Variants in TTC28 observed in about 807,000 individuals in gnomAD.
TTC28 encodes tetratricopeptide repeat protein 28.
In TTC28, 61 loss-of-function variants were observed where a neutral mutation model predicts 198.0. That is an observed-to-expected ratio of 0.31 (90% CI 0.25 to 0.38). The LOEUF (loss-of-function observed/expected upper bound fraction) is 0.38. Among genes scored for constraint, TTC28 ranks in the 10% least tolerant of loss-of-function variants. TTC28 has a pLI of 1.00. For synonymous variants in TTC28, 1,171 were observed against 1,297.8 expected (o/e 0.90, Z 2.10); for missense variants, 2,678 against 3,164.0 (o/e 0.85, Z 3.69).
intron 1 of TTC28, among the ~76,000 whole-genome samples, chr22:28,652,106 C>G (rs1177432360): frequency 6.6e-6 from 1 of 152,200 alleles, no homozygotes; most frequent in East Asian, 1.9e-4. Flanking sequence ...TCCCAAAGTG[C>G]TGGGATTACA....
At position 28,096,312 on chromosome 22, in the gene TTC28, T is replaced by C. The variant is rs1195699850; in HGVS notation, c.3644A>G (p.Asp1215Gly). The C allele has an allele frequency of 1.9e-6, 3 of 1,551,280 alleles. No homozygotes were observed. Among genetic ancestry groups the C allele is most frequent in the Non-Finnish European group, 2.6e-6 (3 of 1,146,966 alleles). ...VERQTGQQDS[D>G]PYSPVTIDQI... is the part of the protein sequence containing the mutation. Reference sequence around the variant, plus strand: ...ATCAATAGTGACTGGGGAGTAGGGGTCGGAGTCTTGTTGTCCTGTTTGTCG... The same window carrying C: ...ATCAATAGTGACTGGGGAGTAGGGGCCGGAGTCTTGTTGTCCTGTTTGTCG... Residue 1215 changes from aspartate (D) to glycine (G), a missense_variant, in exon 11 of 23, where the codon GAC becomes GGC. By Grantham distance (94) the Asp-to-Gly change is moderately conservative. Around this residue, in one of 8 missense-constraint regions of TTC28, gnomAD observed 727 missense variants for 861.9 expected, o/e 0.84. Transcript: ENST00000397906.
At position 27,981,768 on chromosome 22, in the gene TTC28, A is replaced by C. The variant is rs1937030168; in HGVS notation, c.*453T>G. On this transcript the variant is annotated 3_prime_UTR_variant, in exon 23 of 23. Coordinates refer to ENST00000397906, the MANE Select transcript of TTC28 (RefSeq NM_001145418.2). The stretch of plus-strand genomic sequence containing the variant: ...ATTCAACTGAAATTTCATATATCCC[A>C]CCCCCAACCAGCAACCGAAAGCCTT... The C allele has an allele frequency of 1.3e-5, 2 of 155,072 alleles. No homozygotes were observed. The highest frequency in any genetic ancestry group is 2.4e-5 in the African/African-American group (1 of 41,444). 9.6% of individuals were successfully genotyped at this position (155,072 alleles called of 1,614,324 possible). A position where few individuals can be genotyped will look rare whatever the true frequency, so the allele number is the denominator to read the frequency against.
intron 2 of TTC28, among the ~76,000 whole-genome samples, chr22:28,408,387 C>T (rs2047031306): frequency 6.6e-6 from 1 of 151,902 alleles, no homozygotes; most frequent in Non-Finnish European, 1.5e-5. Flanking sequence ...TGAAAAAGTC[C>T]CAACTTTCAT....
chr22:28,595,938 C>A (rs566555510), intron 2 of TTC28, among the ~76,000 whole-genome samples: 1 of 152,044 alleles, frequency 6.6e-6, no homozygotes, highest in African/African-American at 2.4e-5. Flanking sequence ...ATAATAATAA[C>A]ATGTAAGTCA....
chr22:27,996,121 C>A lies in TTC28; in HGVS notation c.5244+14G>T, dbSNP rs1937547237. On this transcript the variant is annotated intron_variant, in intron 17 of 22. Transcript: ENST00000397906. ...GCCAGCTCTCGTTGAGTGCAGGGTG[C>A]CCGACCCCCTTACCAGGTGCAGCAG... is the stretch of plus-strand genomic sequence containing the variant. The A allele has an allele frequency of 6.5e-7, 1 of 1,544,984 alleles. No individual in the cohort carries two copies. Among genetic ancestry groups the A allele is most frequent in the Admixed American group, 2.0e-5 (1 of 50,862 alleles).
chr22:28,661,741 T>G (rs1370532847), intron 1 of TTC28, among the ~76,000 whole-genome samples: 2 of 152,132 alleles, frequency 1.3e-5, no homozygotes, highest in African/African-American at 2.4e-5. Context: ...CCCAAGTAGC[T>G]GGGATTACAA....
At chr22:28,492,515 A>T (rs2048394060) in intron 2 of TTC28, among the ~76,000 whole-genome samples, 1 of 152,140 alleles carries the variant, frequency 6.6e-6, no homozygotes, top group Non-Finnish European at 1.5e-5. Context: ...GGACCAAAAA[A>T]CAAACAAACA....
chr22:28,631,530 G>C (rs1210026471), intron 1 of TTC28, among the ~76,000 whole-genome samples: 1 of 152,050 alleles, frequency 6.6e-6, no homozygotes, highest in East Asian at 1.9e-4. Flanking sequence ...GTTTGTTTTT[G>C]TGGGTTTTTT....
chr22:28,185,028 A>C (rs954183512), intron 5 of TTC28, among the ~76,000 whole-genome samples: 1 of 152,188 alleles, frequency 6.6e-6, no homozygotes, highest in Admixed American at 6.5e-5. Context: ...ATTGATAGTC[A>C]TGGGACTTTA....
At chr22:28,438,938 T>C (rs998562828) in intron 2 of TTC28, among the ~76,000 whole-genome samples, 2 of 152,170 alleles carry the variant, frequency 1.3e-5, no homozygotes, top group African/African-American at 4.8e-5. Context: ...GCCGAGAGTG[T>C]GATTTCTCCC....
chr22:28,583,994 T>C (rs573976302), intron 2 of TTC28, among the ~76,000 whole-genome samples: 1 of 150,170 alleles, frequency 6.7e-6, no homozygotes, highest in African/African-American at 2.5e-5. Context: ...GTTTTTTTTT[T>C]GTTTTGTTTT....
At chr22:27,985,529 G>C (rs1177698363) in intron 21 of TTC28, among the ~76,000 whole-genome samples, 173 bp from the exon 22 acceptor site, 1 of 152,212 alleles carries the variant, frequency 6.6e-6, no homozygotes, top group Non-Finnish European at 1.5e-5. Flanking sequence ...TGTGGCAGAG[G>C]GGTCGGGCTG....
At chr22:28,619,002 C>A (rs985228056) in intron 2 of TTC28, among the ~76,000 whole-genome samples, 2 of 151,828 alleles carry the variant, frequency 1.3e-5, no homozygotes, top group African/African-American at 4.8e-5. Context: ...AACAGAAATA[C>A]CTGAACAGAA....
Position 28,567,475 on chromosome 22 carries a change from CATACATAT to C in TTC28, c.381+62069_381+62076del, listed in dbSNP as rs920962137. On this transcript the variant is annotated intron_variant, in intron 2 of 22. Coordinates refer to ENST00000397906, the MANE Select transcript of TTC28 (RefSeq NM_001145418.2). ...CACACACACCACACGCATATACATA[CATACATAT>C]ATATATATATATATATATATATATA... is the stretch of plus-strand genomic sequence containing the variant. Among the ~76,000 whole-genome samples the C allele has an allele frequency of 2.4e-3, 33 of 13,774 alleles. 1 individual carries two copies. The highest frequency in any genetic ancestry group is 2.1e-3 in the Non-Finnish European group (18 of 8,480). 9.0% of individuals were successfully genotyped at this position (13,774 alleles called of 152,430 possible). A position where few individuals can be genotyped will look rare whatever the true frequency, so the allele number is the denominator to read the frequency against.
At chr22:28,599,512 G>C (rs1239461965) in intron 2 of TTC28, among the ~76,000 whole-genome samples, 4 of 152,164 alleles carry the variant, frequency 2.6e-5, no homozygotes, top group African/African-American at 9.7e-5. Context: ...GAGCAAGCTG[G>C]GCGTGGTGGC....
At chr22:28,611,026 A>G (rs1206540879) in intron 2 of TTC28, among the ~76,000 whole-genome samples, 1 of 152,176 alleles carries the variant, frequency 6.6e-6, no homozygotes, top group East Asian at 1.9e-4. Context: ...TTAGAGAAAA[A>G]AGAAGGAAAA....
chr22:28,403,290 A>G (rs897011222), intron 2 of TTC28, among the ~76,000 whole-genome samples: 10 of 152,216 alleles, frequency 6.6e-5, no homozygotes, highest in African/African-American at 2.4e-4. Context: ...GATTGGTCCA[A>G]AACATTTTGT....
At chr22:28,603,998 C>T (rs2050683900) in intron 2 of TTC28, among the ~76,000 whole-genome samples, 1 of 152,038 alleles carries the variant, frequency 6.6e-6, no homozygotes, top group South Asian at 2.1e-4. Flanking sequence ...TGTTTCTTGG[C>T]CGGGTGTGGT....
intron 5 of TTC28, among the ~76,000 whole-genome samples, chr22:28,263,811 G>A (rs1401836873): frequency 6.6e-6 from 1 of 151,062 alleles, no homozygotes; most frequent in African/African-American, 2.5e-5. Flanking sequence ...CAGGATAGAG[G>A]ATAGGATCCA....
Sources: gnomAD v4.1 joint callset for allele counts (sites outside exome capture counted in the v4.1 genomes callset) on GRCh38, gnomAD v4.1.1 for gene constraint, gnomAD v4.1.1 regional missense constraint, MANE v1.5 for transcripts, NCBI Gene and HGNC (gene_info 2026-07-23, HGNC 2026-07-21) for gene names.